Variants in GJB1 observed in about 807,000 individuals in gnomAD.
The protein encoded by GJB1 is gap junction protein beta 1.
Under a neutral mutation model 12.0 loss-of-function variants are expected in GJB1, and 1 was observed. The observed-to-expected ratio is 0.08, with a 90% confidence interval of 0.03 to 0.40. The LOEUF is 0.40. Ranked by LOEUF, GJB1 falls within the 10% of genes least tolerant of loss-of-function variation. The probability of loss-of-function intolerance (pLI) is 0.98; values close to 1 mark genes in which losing one functional copy is unlikely to be tolerated. For missense variants in GJB1, 140 were observed against 250.3 expected (o/e 0.56, Z 2.97); for synonymous variants, 114 against 102.8 (o/e 1.11, Z -0.66).
intron 1 of GJB1, among the ~76,000 whole-genome samples, chrX:71,215,786 G>A (rs2280961): frequency 0.29 from 31,810 of 110,634 alleles, 3,574 homozygotes; most frequent in East Asian, 0.51. Context: ...AGCCAACAGG[G>A]CCAAGGATTT....
chrX:71,223,636 G>A (rs759800607), intron 1 of GJB1, 56 bp from the exon 2 acceptor site: 42 of 1,144,985 alleles, frequency 3.7e-5, no homozygotes, highest in South Asian at 3.2e-4. Flanking sequence ...GTGCTATGGC[G>A]CCCGACTTTC....
At position 71,224,911 on chromosome X, in the gene GJB1, C is replaced by T. The variant is rs1011044023; in HGVS notation, c.*352C>T. 1 of 303,324 alleles carries T rather than the reference C, an allele frequency of 3.3e-6. No homozygotes were observed. The highest frequency in any genetic ancestry group is 6.2e-6 in the Non-Finnish European group (1 of 162,463). 25.0% of individuals were successfully genotyped at this position (303,324 alleles called of 1,213,427 possible). A position where few individuals can be genotyped will look rare whatever the true frequency, so the allele number is the denominator to read the frequency against. On this transcript the variant is annotated 3_prime_UTR_variant, in exon 2 of 2. Coordinates refer to ENST00000361726, the MANE Select transcript of GJB1 (RefSeq NM_000166.6). ...AATCTTAACCCTGTGCTGTCAGATA[C>T]CCTGTTTCTGGAGTCACATCAGTGA...
upstream of GJB1, among the ~76,000 whole-genome samples, chrX:71,221,251 G>A (rs1422786247): frequency 8.9e-6 from 1 of 112,134 alleles, no homozygotes; most frequent in African/African-American, 3.2e-5. Context: ...AGAATCCCAG[G>A]CTTGGGAGAA....
chrX:71,218,979 C>T (rs2092531087), upstream of GJB1, among the ~76,000 whole-genome samples: 1 of 109,866 alleles, frequency 9.1e-6, no homozygotes, highest in South Asian at 3.8e-4. Context: ...TTAGATAAGT[C>T]CTTTCACCTT....
At chrX:71,220,889 C>T (rs7884731), upstream of GJB1, among the ~76,000 whole-genome samples, 26 of 52,708 alleles carry the variant, frequency 4.9e-4, 1 homozygote, top group African/African-American at 1.9e-3. Flanking sequence ...TTGTTTCTTT[C>T]CTTTTTTTTT....
chrX:71,217,155 C>T (rs1025786088), intron 1 of GJB1, among the ~76,000 whole-genome samples: 2 of 96,579 alleles, frequency 2.1e-5, no homozygotes, highest in Non-Finnish European at 4.2e-5. Flanking sequence ...TGCCAGCACA[C>T]GCAGGAAAGT....
chrX:71,223,373 T>G, intron 1 of GJB1, 38 bp downstream of exon 1: 1 of 333,048 alleles, frequency 3.0e-6, no homozygotes, highest in Admixed American at 4.7e-5. Context: ...AGGTCTGGAG[T>G]TAAGGAGCTA....
intron 1 of GJB1, chrX:71,217,839 G>A (rs2092528445): frequency 1.4e-5 from 1 of 70,178 alleles, no homozygotes; most frequent in African/African-American, 8.3e-5. Context: ...CCCCTGAAGG[G>A]CAGAGAAGAG....
chrX:71,220,084 C>T (rs2092533875), upstream of GJB1, among the ~76,000 whole-genome samples: 1 of 106,165 alleles, frequency 9.4e-6, no homozygotes, highest in Admixed American at 1.0e-4. Context: ...CTCAGGTAAT[C>T]CACCAGCCTC....
chrX:71,217,409 C>T (rs2092527782), intron 1 of GJB1, among the ~76,000 whole-genome samples: 1 of 111,824 alleles, frequency 8.9e-6, no homozygotes, highest in Admixed American at 9.5e-5. Context: ...TAAGTGAGAT[C>T]ACCTGATTTT....
At position 71,216,171 on chromosome X, in the gene GJB1, G is replaced by A. The variant is rs147908699; in HGVS notation, c.-17+900G>A. ...CAGGCATGAGCCACCACGCCCGGCC[G>A]GTTTGGAGATCTAAAGGAGGGGTGT... On this transcript the variant is annotated intron_variant, in intron 1 of 1. Transcript: ENST00000374029. Among the ~76,000 whole-genome samples, 784 of 111,211 alleles carry A rather than the reference G, an allele frequency of 7.0e-3. 5 individuals are homozygous for A. The highest frequency in any genetic ancestry group is 0.023 in the African/African-American group (718 of 30,618).
chrX:71,224,593 C>T lies in GJB1; in HGVS notation c.*34C>T, dbSNP rs113014279. On this transcript the variant is annotated 3_prime_UTR_variant, in exon 2 of 2. Transcript: ENST00000361726. ...ACCAGGCAACCTCCCATCCCACCCC[C>T]GACCCTGCCCTGGGCGAGCCCCTCC... 6.9e-6 allele frequency: 7 copies of T among 1,016,616 alleles called. No homozygotes were observed. Among genetic ancestry groups the T allele is most frequent in the East Asian group, 6.6e-5 (2 of 30,121 alleles). 83.8% of individuals were successfully genotyped at this position (1,016,616 alleles called of 1,213,427 possible). A position where few individuals can be genotyped will look rare whatever the true frequency, so the allele number is the denominator to read the frequency against.
At chrX:71,219,773 CAAAA>C (rs41477550), upstream of GJB1, among the ~76,000 whole-genome samples, 2 of 22,057 alleles carry the variant, frequency 9.1e-5, no homozygotes, top group African/African-American at 4.4e-4. Flanking sequence ...GACTCCCTCT[CAAAA>C]AAAAAAAAAA....
At chrX:71,221,326 TA>T (rs2092537665), upstream of GJB1, among the ~76,000 whole-genome samples, 4 of 23,066 alleles carry the variant, frequency 1.7e-4, no homozygotes, top group Admixed American at 1.3e-3. Context: ...TAAGGCTTTT[TA>T]TTTATTTATT....
chrX:71,219,811 GTTA>G (rs1310798257), upstream of GJB1, among the ~76,000 whole-genome samples: 1 of 97,199 alleles, frequency 1.0e-5, no homozygotes, highest in Non-Finnish European at 2.0e-5. Context: ...ACCTGGCCAG[GTTA>G]TTCTTTTATT....
chrX:71,220,476 TTTTG>T (rs58936467), upstream of GJB1, among the ~76,000 whole-genome samples: 37,830 of 94,904 alleles, frequency 0.4, 6,876 homozygotes, highest in East Asian at 0.6. Flanking sequence ...CTGGCCTAGG[TTTTG>T]TTTGTTTGTT....
chrX:71,220,279 C>T (rs1331114643), upstream of GJB1, among the ~76,000 whole-genome samples: 1 of 106,312 alleles, frequency 9.4e-6, no homozygotes, highest in Non-Finnish European at 1.9e-5. Context: ...ATCCACCTGC[C>T]TCTGCCTCCC....
chrX:71,219,881 C>T (rs771187583), upstream of GJB1, among the ~76,000 whole-genome samples: 9 of 94,273 alleles, frequency 9.5e-5, no homozygotes, highest in African/African-American at 3.2e-4. Context: ...CTCGTTCTGT[C>T]GCCCAGCCTG....
upstream of GJB1, among the ~76,000 whole-genome samples, chrX:71,218,764 T>C (rs903208814): frequency 9.6e-6 from 1 of 104,400 alleles, no homozygotes; most frequent in African/African-American, 3.6e-5. Context: ...GGGGCGCCTG[T>C]AGTCCCAGCT....
Sources: allele counts gnomAD v4.1 joint callset (sites outside exome capture counted in the v4.1 genomes callset), GRCh38; gene constraint gnomAD v4.1.1; transcripts MANE v1.5; gene names NCBI Gene and HGNC (gene_info 2026-07-23, HGNC 2026-07-21).